Variants in RPGRIP1 observed in about 807,000 individuals in gnomAD.
The protein encoded by RPGRIP1 is X-linked retinitis pigmentosa GTPase regulator-interacting protein 1.
RPGRIP1 carries 128 observed loss-of-function variants against 157.9 expected under a neutral mutation model. The ratio of observed to expected loss-of-function variants is 0.81; its 90% confidence interval spans 0.70 to 0.94. The LOEUF (loss-of-function observed/expected upper bound fraction) is 0.94, where lower values mean the gene tolerates loss of function less well. RPGRIP1 is among the 40% of genes least tolerant of loss of function. The probability of loss-of-function intolerance (pLI) is 0.00; values close to 1 mark genes in which losing one functional copy is unlikely to be tolerated. For synonymous variants in RPGRIP1, 554 were observed against 571.6 expected (o/e 0.97, Z 0.44); for missense variants, 1,486 against 1,545.8 (o/e 0.96, Z 0.65).
chr14:21,303,579 G>A (rs186735173), intron 6 of RPGRIP1, 36 bp downstream of exon 6: 342 of 1,481,576 alleles, frequency 2.3e-4, no homozygotes, highest in Admixed American at 4.9e-4. Context: ...AAACCAAAAC[G>A]AACTGAAAAA....
intron 21 of RPGRIP1, among the ~76,000 whole-genome samples, chr14:21,336,911 T>C (rs901851815): frequency 7.9e-5 from 12 of 152,214 alleles, no homozygotes; most frequent in African/African-American, 2.9e-4. Flanking sequence ...GAAAACTTCC[T>C]TGTGTGCCCC....
chr14:21,316,610 G>A (rs566298772), intron 10 of RPGRIP1, among the ~76,000 whole-genome samples: 2 of 151,816 alleles, frequency 1.3e-5, no homozygotes, highest in South Asian at 2.1e-4. Flanking sequence ...TAGAGACAGG[G>A]TTTCACTATG....
At chr14:21,315,486 G>A (rs556892481) in intron 10 of RPGRIP1, among the ~76,000 whole-genome samples, 3 of 147,256 alleles carry the variant, frequency 2.0e-5, no homozygotes, top group Admixed American at 6.9e-5. Context: ...CAGCCTGGGC[G>A]ACAGAGCCAG....
intron 13 of RPGRIP1, 122 bp downstream of exon 13, chr14:21,321,524 GCAAA>G: frequency 1.4e-6 from 2 of 1,471,838 alleles, no homozygotes; most frequent in South Asian, 1.5e-5. Flanking sequence ...GCTATCCTGA[GCAAA>G]CACACAATGG....
chr14:21,304,170 C>A (rs571015554), intron 6 of RPGRIP1, among the ~76,000 whole-genome samples: 4 of 151,168 alleles, frequency 2.6e-5, no homozygotes, highest in Non-Finnish European at 5.9e-5. Context: ...AAAAAACTAG[C>A]CAGGTATGGT....
In RPGRIP1 at chr14:21,327,816, C is replaced by G; in HGVS notation, c.2895+9C>G. ...CTTCATTTCCTTCCCAGGTAACTCT[C>G]CAGGACTCCACAGGTAGCAGATCTC... On this transcript the variant is annotated intron_variant, in intron 18 of 24. Transcript: ENST00000400017. 1 of 1,570,528 alleles carries G rather than the reference C, an allele frequency of 6.4e-7. No individual in the cohort carries two copies.
At chr14:21,288,704 G>T (rs966078444) in intron 2 of RPGRIP1, among the ~76,000 whole-genome samples, 2 of 148,222 alleles carry the variant, frequency 1.3e-5, no homozygotes, top group South Asian at 4.3e-4. Context: ...AGTACAGATG[G>T]GGTTTCACCA....
At chr14:21,342,014 C>G (rs533954012) in intron 21 of RPGRIP1, among the ~76,000 whole-genome samples, 6 of 150,822 alleles carry the variant, frequency 4.0e-5, no homozygotes, top group African/African-American at 1.2e-4. Flanking sequence ...CGTGCCACTG[C>G]ACTCCAGCCT....
intron 1 of RPGRIP1, among the ~76,000 whole-genome samples, chr14:21,286,324 T>C (rs546171336): frequency 1.3e-5 from 2 of 151,764 alleles, no homozygotes; most frequent in African/African-American, 4.9e-5. Flanking sequence ...CTGGAGAACA[T>C]GCTAATGGGT....
At chr14:21,306,353 G>A (rs1053067295) in intron 6 of RPGRIP1, among the ~76,000 whole-genome samples, 6 of 149,824 alleles carry the variant, frequency 4.0e-5, no homozygotes, top group Admixed American at 6.7e-5. Flanking sequence ...GGCTGGTCTC[G>A]AACTCCTGAC....
intron 10 of RPGRIP1, among the ~76,000 whole-genome samples, chr14:21,316,714 C>G (rs1241579864): frequency 1.3e-5 from 2 of 152,046 alleles, no homozygotes; most frequent in Non-Finnish European, 2.9e-5. Context: ...CTGTGCCCAG[C>G]CTGGTAAATT....
At chr14:21,337,103 A>G (rs1208157154) in intron 21 of RPGRIP1, among the ~76,000 whole-genome samples, 1 of 152,020 alleles carries the variant, frequency 6.6e-6, no homozygotes, top group Non-Finnish European at 1.5e-5. Flanking sequence ...GAGTTCTGTC[A>G]CTCTTCTGCC....
At chr14:21,339,331 G>A (rs1158711997) in intron 21 of RPGRIP1, among the ~76,000 whole-genome samples, 1 of 151,588 alleles carries the variant, frequency 6.6e-6, no homozygotes, top group Admixed American at 6.6e-5. Context: ...TTGTAATCCT[G>A]GCTACTCGAA....
At position 21,326,063 on chromosome 14, in the gene RPGRIP1, G is replaced by A. The variant is rs375012807; in HGVS notation, c.2600G>A (p.Arg867Gln). Reference protein sequence around the residue: ...VTSDLDHYLRREALSIHVFDD... With the variant: ...VTSDLDHYLRQEALSIHVFDD... The stretch of plus-strand genomic sequence containing the variant: ...TCTGACCTGGACCATTATCTGAGAC[G>A]GGAGGCCTTGTCTATACATGTTTTT... Residue 867 changes from arginine (R) to glutamine (Q), a missense_variant, in exon 17 of 25, where the codon CGG (arginine) becomes CAG (glutamine). Physicochemically the swap from Arg to Gln is conservative, Grantham distance 43. Coordinates refer to ENST00000400017, the MANE Select transcript of RPGRIP1 (RefSeq NM_020366.4). The A allele has an allele frequency of 7.7e-5, 124 of 1,613,744 alleles. No homozygotes were observed. The Middle Eastern group carries it at 1.3e-3, about 17-fold the overall frequency.
chr14:21,304,416 A>AAAGAAAGG (rs1881200755), intron 6 of RPGRIP1, among the ~76,000 whole-genome samples: 3 of 151,164 alleles, frequency 2.0e-5, no homozygotes, highest in African/African-American at 7.3e-5. Flanking sequence ...AGAAAGAAAG[A>AAAGAAAGG]AAGAAAGAAA....
intron 1 of RPGRIP1, 45 bp from the exon 2 acceptor site, chr14:21,287,894 A>C: frequency 1.2e-6 from 1 of 839,860 alleles, no homozygotes; most frequent in Non-Finnish European, 2.0e-6. Flanking sequence ...TTCAGAAGAC[A>C]TCCTAAAGTT....
At position 21,328,494 on chromosome 14, in the gene RPGRIP1, G is replaced by T. The variant is rs1349740244; in HGVS notation, c.2966G>T (p.Gly989Val). 4.3e-6 allele frequency: 7 copies of T among 1,613,772 alleles called. No individual in the cohort carries two copies. In the East Asian group the frequency reaches 1.6e-4, roughly 36 times the overall value. Residue 989 changes from glycine (G) to valine (V), a missense_variant, in exon 19 of 25, where the codon GGG (glycine) becomes GTG (valine). Gly to Val is a moderately radical substitution (Grantham distance 109). Transcript: ENST00000400017. ...QYRSKRKPPH[G>V]GERKEKEHQV... The stretch of plus-strand genomic sequence containing the variant: ...CGATCTAAGAGAAAACCTCCTCATG[G>T]GGGAGAAAGAAAGGAGAAGGAGCAC...
intron 1 of RPGRIP1, among the ~76,000 whole-genome samples, chr14:21,283,027 T>C (rs1326930426): frequency 6.6e-6 from 1 of 152,188 alleles, no homozygotes; most frequent in Non-Finnish European, 1.5e-5. Context: ...TCCATTTCAT[T>C]CTTAGAGCTT....
intron 4 of RPGRIP1, among the ~76,000 whole-genome samples, chr14:21,301,445 G>A (rs927467673): frequency 3.3e-5 from 5 of 151,942 alleles, no homozygotes; most frequent in African/African-American, 4.8e-5. Context: ...TGTCGCTGAG[G>A]GCAGAATCAG....
Sources: gnomAD v4.1 joint callset for allele counts (sites outside exome capture counted in the v4.1 genomes callset) on GRCh38, gnomAD v4.1.1 for gene constraint, MANE v1.5 for transcripts, NCBI Gene and HGNC (gene_info 2026-07-23, HGNC 2026-07-21) for gene names.